Variants in CCDC141 observed in about 807,000 individuals in gnomAD.
The protein encoded by CCDC141 is coiled-coil domain containing 141.
CCDC141 carries 168 observed loss-of-function variants against 181.0 expected under a neutral mutation model. The ratio of observed to expected loss-of-function variants is 0.93; its 90% CI spans 0.82 to 1.05. CCDC141 has a LOEUF of 1.05. CCDC141 is among the 50% of genes least tolerant of loss of function. The pLI is 0.00. For synonymous variants in CCDC141, 666 were observed against 642.3 expected, an observed-to-expected ratio of 1.04 and a Z score of -0.56; for missense variants, 1,902 against 1,788.5, an observed-to-expected ratio of 1.06 and a Z score of -1.14.
chr2:178,886,736 T>G lies in CCDC141; in HGVS notation c.1527+16A>C. 7.3e-7 allele frequency: 1 copy of G among 1,371,194 alleles called. No homozygotes were observed. 84.9% of individuals were successfully genotyped at this position (1,371,194 alleles called of 1,614,324 possible). A position where few individuals can be genotyped will look rare whatever the true frequency, so the allele number is the denominator to read the frequency against. Reference sequence around the variant, plus strand: ...TACAAAATTATAGCCATAATAATCATTCTCATTTTATTTACCTTAGCTTGG... The same window carrying G: ...TACAAAATTATAGCCATAATAATCAGTCTCATTTTATTTACCTTAGCTTGG... On this transcript the variant is annotated intron_variant, in intron 10 of 23. Transcript: ENST00000443758.
intron 2 of CCDC141, among the ~76,000 whole-genome samples, chr2:178,986,057 A>G (rs1691716729): frequency 6.6e-6 from 1 of 152,192 alleles, no homozygotes; most frequent in East Asian, 1.9e-4. Flanking sequence ...ACATTGATGC[A>G]AAAATCCTCA....
At chr2:178,817,757 T>C in the CCDC141 span, 1 of 305,516 alleles carries the variant, frequency 3.3e-6, no homozygotes, top group Middle Eastern at 7.8e-4. Context: ...TTATCTCTTT[T>C]CTATTTCTCT....
At chr2:178,990,003 G>C (rs1349294971) in intron 2 of CCDC141, among the ~76,000 whole-genome samples, 1 of 151,720 alleles carries the variant, frequency 6.6e-6, no homozygotes, top group Non-Finnish European at 1.5e-5. Flanking sequence ...GCTGGGCATG[G>C]TAGCACATGC....
At position 178,865,799 on chromosome 2, in the gene CCDC141, C is replaced by A; in HGVS notation, c.2692G>T (p.Glu898Ter). 1 of 1,595,124 alleles carries A rather than the reference C, an allele frequency of 6.3e-7. No individual in the cohort carries two copies. Among genetic ancestry groups the A allele is most frequent in the Non-Finnish European group, 8.5e-7 (1 of 1,171,248 alleles). ...ATCTCGTCTCTCATGGCGCAGTACT[C>A]CACACTACGGGACAGGGTCCGTCCA... ...EYGRTLSRSV[E>*]YCAMRDEINE... Residue 898 changes from glutamate to a stop codon, truncating the protein, a stop_gained, in exon 17 of 24, where the codon GAG (glutamate) becomes TAG (stop). Coordinates refer to ENST00000443758, the MANE Select transcript of CCDC141 (RefSeq NM_173648.4). LOFTEE classifies it high-confidence loss of function.
chr2:178,863,830 G>T (rs12053009), intron 17 of CCDC141, among the ~76,000 whole-genome samples: 4,730 of 152,282 alleles, frequency 0.031, 132 homozygotes, highest in East Asian at 0.15. Flanking sequence ...AAATGTAAGA[G>T]CATGCTAAAG....
chr2:178,872,382 AT>A, intron 12 of CCDC141, 70 bp from the exon 13 acceptor site: 4 of 1,356,338 alleles, frequency 2.9e-6, no homozygotes, highest in Non-Finnish European at 4.0e-6. Flanking sequence ...GTATATAACT[AT>A]TTTACGAGGC....
Position 178,832,201 on chromosome 2 carries a change from A to G in CCDC141, c.*1972T>C, listed in dbSNP as rs143379106. On this transcript the variant is annotated 3_prime_UTR_variant, in exon 24 of 24. Coordinates refer to ENST00000443758, the MANE Select transcript of CCDC141 (RefSeq NM_173648.4). Reference sequence around the variant, plus strand: ...AACAGCAGTTAGGCAAGATTCACACATTATTTGAAATTGGACAAAAAGGAT... The same window carrying G: ...AACAGCAGTTAGGCAAGATTCACACGTTATTTGAAATTGGACAAAAAGGAT... 10 of 152,322 alleles carry G rather than the reference A, an allele frequency of 6.6e-5. No homozygotes were observed. In the East Asian group the frequency reaches 1.7e-3, roughly 26 times the overall value. The allele number at this position is 152,322 out of a possible 1,614,324, so 9.4% of individuals were successfully genotyped here.
At chr2:179,010,876 C>G (rs1033616090) in intron 2 of CCDC141, among the ~76,000 whole-genome samples, 1 of 151,958 alleles carries the variant, frequency 6.6e-6, no homozygotes, top group Non-Finnish European at 1.5e-5. Context: ...GATACAGAAC[C>G]GGCTGGGCAT....
rs1684246950 is a variant in CCDC141, at chr2:178,831,478, G to A, written c.*2695C>T. Reference sequence around the variant, plus strand: ...ATTTTTAAACTTTCTTTTCATTTTAGTTTTCTTGTTGAAAATGTTTTGATA... The same window carrying A: ...ATTTTTAAACTTTCTTTTCATTTTAATTTTCTTGTTGAAAATGTTTTGATA... On this transcript the variant is annotated 3_prime_UTR_variant, in exon 24 of 24. Transcript: ENST00000443758. 1 of 152,094 alleles carries A rather than the reference G, an allele frequency of 6.6e-6. No individual in the cohort carries two copies. The highest frequency in any genetic ancestry group is 2.1e-4 in the South Asian group (1 of 4,826). The allele number at this position is 152,094 out of a possible 1,614,324, so 9.4% of individuals were successfully genotyped here.
At chr2:178,843,456 T>C (rs1342097898) in intron 22 of CCDC141, among the ~76,000 whole-genome samples, 1 of 152,220 alleles carries the variant, frequency 6.6e-6, no homozygotes, top group Non-Finnish European at 1.5e-5. Context: ...CCTTAGGAGT[T>C]TTCATATCTT....
intron 12 of CCDC141, chr2:178,875,795 A>G (rs1686333290): frequency 6.6e-6 from 1 of 152,204 alleles, no homozygotes; most frequent in South Asian, 2.1e-4. Context: ...ATAAAAAGGT[A>G]GACAAAATTA....
intron 2 of CCDC141, among the ~76,000 whole-genome samples, chr2:178,986,007 A>T (rs1317154559): frequency 6.6e-6 from 1 of 152,214 alleles, no homozygotes; most frequent in Non-Finnish European, 1.5e-5. Context: ...GGGCAGAGAC[A>T]CAACCAAAAA....
intron 2 of CCDC141, among the ~76,000 whole-genome samples, chr2:179,017,876 A>T (rs1297793087): frequency 6.6e-6 from 1 of 152,124 alleles, no homozygotes; most frequent in Admixed American, 6.6e-5. Context: ...CCCATGAAAA[A>T]TGGCTTGCCT....
chr2:179,029,756 G>T (rs1463479520), intron 2 of CCDC141, among the ~76,000 whole-genome samples: 1 of 152,138 alleles, frequency 6.6e-6, no homozygotes, highest in Non-Finnish European at 1.5e-5. Flanking sequence ...AATGGGTTAT[G>T]ATGGAAATTT....
chr2:179,024,878 C>T (rs1220165305), intron 2 of CCDC141, among the ~76,000 whole-genome samples: 1 of 151,802 alleles, frequency 6.6e-6, no homozygotes, highest in Non-Finnish European at 1.5e-5. Context: ...CTTCTTATTC[C>T]TCATTGTGTT....
At chr2:178,977,180 G>C (rs1691158905) in intron 3 of CCDC141, among the ~76,000 whole-genome samples, 1 of 152,172 alleles carries the variant, frequency 6.6e-6, no homozygotes, top group African/African-American at 2.4e-5. Context: ...AAGTATAAGA[G>C]TGTTGGGCTT....
chr2:178,855,680 T>A, intron 18 of CCDC141, 139 bp from the exon 19 acceptor site: 2 of 547,414 alleles, frequency 3.7e-6, no homozygotes, highest in Non-Finnish European at 6.3e-6. Flanking sequence ...ACAAATATAT[T>A]ATGGTAAGAA....
At position 178,888,650 on chromosome 2, in the gene CCDC141, G is replaced by A; in HGVS notation, c.1284C>T (p.Ile428=). Residue 428 remains isoleucine, a synonymous_variant, in exon 9 of 24, where the codon ATC becomes ATT. Coordinates refer to ENST00000443758, the MANE Select transcript of CCDC141 (RefSeq NM_173648.4). The part of the protein sequence containing the change: ...VDSCSSQVSG[I]HEMMGCIKRR... ...TCTTAATGCACCCCATCATCTCATG[G>A]ATGCCGGACACCTGAGAGCTGAACA... 4 of 1,550,630 alleles carry A rather than the reference G, an allele frequency of 2.6e-6. No homozygotes were observed. The highest frequency in any genetic ancestry group is 3.5e-6 in the Non-Finnish European group (4 of 1,146,838).
At chr2:178,986,934 A>T (rs374170699) in intron 2 of CCDC141, among the ~76,000 whole-genome samples, 57 of 151,978 alleles carry the variant, frequency 3.8e-4, no homozygotes, top group Admixed American at 5.9e-4. Context: ...ATCAAGCTAC[A>T]AATGACTTTC....
Sources: gnomAD v4.1 joint callset for allele counts (sites outside exome capture counted in the v4.1 genomes callset) on GRCh38, gnomAD v4.1.1 for gene constraint, MANE v1.5 for transcripts, NCBI Gene and HGNC (gene_info 2026-07-23, HGNC 2026-07-21) for gene names.